OTUD7A: variants seen among roughly 807,000 people sequenced by gnomAD.
OTUD7A encodes OTU deubiquitinase 7A.
In OTUD7A, 12 loss-of-function variants were observed where a neutral mutation model predicts 65.7. That is an observed-to-expected ratio of 0.18 (90% confidence interval 0.12 to 0.30). The LOEUF is 0.30. Ranked by LOEUF, OTUD7A falls within the 10% of genes least tolerant of loss-of-function variation. The pLI, the probability that OTUD7A is intolerant of heterozygous loss-of-function variation, is 1.00. For missense variants in OTUD7A, 1,148 were observed against 1,304.8 expected, an observed-to-expected ratio of 0.88 and a Z score of 1.85; for synonymous variants, 641 against 586.3, an observed-to-expected ratio of 1.09 and a Z score of -1.35.
intron 3 of OTUD7A, among the ~76,000 whole-genome samples, chr15:31,640,797 C>T (rs1167425703): frequency 1.3e-5 from 2 of 152,194 alleles, no homozygotes; most frequent in African/African-American, 4.8e-5. Context: ...TAGTCAAGCA[C>T]ATTAGCTTAT....
intron 8 of OTUD7A, among the ~76,000 whole-genome samples, chr15:31,526,134 C>T (rs970863720): frequency 6.6e-6 from 1 of 152,256 alleles, no homozygotes; most frequent in Non-Finnish European, 1.5e-5. Flanking sequence ...GTGGGGGCTG[C>T]ATACCCTTCC....
chr15:31,760,612 G>T (rs1894934726), intron 1 of OTUD7A, among the ~76,000 whole-genome samples: 2 of 152,160 alleles, frequency 1.3e-5, no homozygotes, highest in South Asian at 4.1e-4. Context: ...ATGCAATGTT[G>T]CTAAGATGGC....
At chr15:31,631,035 T>A (rs1308517769) in intron 3 of OTUD7A, among the ~76,000 whole-genome samples, 1 of 152,304 alleles carries the variant, frequency 6.6e-6, no homozygotes, top group East Asian at 1.9e-4. Flanking sequence ...TCTTGACTCT[T>A]TATCCAATTT....
chr15:31,511,044 G>A lies in OTUD7A; in HGVS notation c.894-7226C>T, dbSNP rs577744971. Among the ~76,000 whole-genome samples, 435 of 79,318 alleles carry A rather than the reference G, an allele frequency of 5.5e-3. 150 individuals are homozygous for A. Among genetic ancestry groups the A allele is most frequent in the South Asian group, 0.019 (52 of 2,692 alleles). The allele number at this position is 79,318 out of a possible 152,430, so 52.0% of individuals were successfully genotyped here. On this transcript the variant is annotated intron_variant, in intron 8 of 12. Coordinates refer to ENST00000307050, the MANE Select transcript of OTUD7A (RefSeq NM_001382637.1). The stretch of plus-strand genomic sequence containing the variant: ...ATGTATATCTATATGTAACATACAT[G>A]TATATCTATATGTAACATACATATA...
At chr15:31,845,405 G>A (rs1289590181) in intron 1 of OTUD7A, among the ~76,000 whole-genome samples, 2 of 152,294 alleles carry the variant, frequency 1.3e-5, no homozygotes, top group African/African-American at 2.4e-5. Context: ...GTGCACACTC[G>A]TGCACATCAG....
chr15:31,744,409 G>T (rs1015633581), intron 1 of OTUD7A, among the ~76,000 whole-genome samples: 1 of 151,980 alleles, frequency 6.6e-6, no homozygotes, highest in South Asian at 2.1e-4. Context: ...CAAGTAGAGT[G>T]TATCCCAAGA....
At chr15:31,673,546 C>T (rs926577743) in intron 1 of OTUD7A, among the ~76,000 whole-genome samples, 7 of 152,176 alleles carry the variant, frequency 4.6e-5, no homozygotes, top group Admixed American at 2.6e-4. Flanking sequence ...CTTGCAAGGC[C>T]GCTTTGCTTT....
intron 3 of OTUD7A, among the ~76,000 whole-genome samples, chr15:31,606,831 A>T (rs931167910): frequency 3.3e-5 from 5 of 152,234 alleles, no homozygotes; most frequent in African/African-American, 4.8e-5. Context: ...TAATGCTGAC[A>T]TTATATATCA....
chr15:31,824,437 T>TGAAAG (rs1283766693), intron 1 of OTUD7A, among the ~76,000 whole-genome samples: 1 of 152,088 alleles, frequency 6.6e-6, no homozygotes, highest in Non-Finnish European at 1.5e-5. Flanking sequence ...ACAAAGATAA[T>TGAAAG]GAAAGGAAAG....
intron 1 of OTUD7A, among the ~76,000 whole-genome samples, chr15:31,703,676 A>G (rs1191377584): frequency 6.6e-6 from 1 of 151,992 alleles, no homozygotes; most frequent in African/African-American, 2.4e-5. Flanking sequence ...AAAACTAAAC[A>G]TAAAACTACC....
At chr15:31,619,175 C>G (rs553230769) in intron 3 of OTUD7A, among the ~76,000 whole-genome samples, 1 of 152,254 alleles carries the variant, frequency 6.6e-6, no homozygotes, top group East Asian at 1.9e-4. Flanking sequence ...TTGGTTACTG[C>G]AACCTTGTAG....
At chr15:31,861,269 G>A (rs1260525283) in intron 1 of OTUD7A, among the ~76,000 whole-genome samples, 1 of 152,056 alleles carries the variant, frequency 6.6e-6, no homozygotes, top group Non-Finnish European at 1.5e-5. Context: ...TCTAGGCTGG[G>A]GGCACTTTCT....
chr15:31,535,371 G>C (rs140130575), intron 5 of OTUD7A, among the ~76,000 whole-genome samples: 3 of 152,136 alleles, frequency 2.0e-5, no homozygotes, highest in Admixed American at 1.3e-4. Flanking sequence ...TGCCATGATT[G>C]TAAGTTTCCT....
intron 8 of OTUD7A, among the ~76,000 whole-genome samples, chr15:31,518,139 G>T (rs115632418): frequency 6.6e-6 from 1 of 152,054 alleles, no homozygotes; most frequent in African/African-American, 2.4e-5. Flanking sequence ...CTCACCTATG[G>T]GGACATAGGT....
chr15:31,660,322 C>T (rs1430630522), intron 1 of OTUD7A, among the ~76,000 whole-genome samples: 1 of 152,202 alleles, frequency 6.6e-6, no homozygotes, highest in Non-Finnish European at 1.5e-5. Flanking sequence ...GTGGCCCATC[C>T]CTTGCCAGAC....
At chr15:31,762,288 C>T (rs1384360595) in intron 1 of OTUD7A, among the ~76,000 whole-genome samples, 3 of 152,246 alleles carry the variant, frequency 2.0e-5, no homozygotes, top group South Asian at 4.1e-4. Flanking sequence ...TCTCTGCCCA[C>T]AGGAGCTGTG....
intron 1 of OTUD7A, among the ~76,000 whole-genome samples, chr15:31,741,660 G>A (rs1010805342): frequency 4.6e-5 from 7 of 151,868 alleles, no homozygotes; most frequent in Admixed American, 6.5e-5. Flanking sequence ...TCACAAAAAC[G>A]TAGTAAGAGA....
At chr15:31,677,441 T>C (rs1329877218) in intron 1 of OTUD7A, among the ~76,000 whole-genome samples, 3 of 152,124 alleles carry the variant, frequency 2.0e-5, no homozygotes, top group Non-Finnish European at 2.9e-5. Context: ...CCACCCAAAA[T>C]GTCATCCTGA....
chr15:31,860,697 A>ATATATATATATG (rs1417556267), intron 1 of OTUD7A, among the ~76,000 whole-genome samples: 1 of 129,760 alleles, frequency 7.7e-6, no homozygotes, highest in East Asian at 2.3e-4. Flanking sequence ...ATATATATAT[A>ATATATATATATG]TATGTATGTA....
Sources: gnomAD v4.1 joint callset for allele counts (sites outside exome capture counted in the v4.1 genomes callset) on GRCh38, gnomAD v4.1.1 for gene constraint, MANE v1.5 for transcripts, NCBI Gene and HGNC (gene_info 2026-07-23, HGNC 2026-07-21) for gene names.